The following SLC27A4 variants were observed in gnomAD, a reference collection of about 807,000 sequenced individuals.
SLC27A4 encodes solute carrier family 27 member 4.
A neutral mutation model predicts 64.4 loss-of-function variants in SLC27A4; 33 were observed. The observed-to-expected ratio is 0.51, with a 90% confidence interval of 0.39 to 0.68. The LOEUF is 0.68. SLC27A4 is among the 30% of genes least tolerant of loss of function. The pLI, the probability that SLC27A4 is intolerant of heterozygous loss-of-function variation, is 0.00. For missense variants in SLC27A4, 824 were observed against 883.5 expected (o/e 0.93, Z 0.85); for synonymous variants, 377 against 370.0 (o/e 1.02, Z -0.22).
Position 128,345,639 on chromosome 9 carries a change from G to A in SLC27A4, c.556+90G>A. 4.9e-6 allele frequency: 7 copies of A among 1,435,634 alleles called. No individual in the cohort carries two copies. Among genetic ancestry groups the A allele is most frequent in the Non-Finnish European group, 6.5e-6 (7 of 1,082,612 alleles). The allele number at this position is 1,435,634 out of a possible 1,614,324, so 88.9% of individuals were successfully genotyped here. On this transcript the variant is annotated intron_variant, in intron 3 of 12. Transcript: ENST00000300456. This position sits in a 1 kb window ranked among gnomAD's most constrained non-coding sequence, Gnocchi z 4.1. ...CTTCCAGCCCTGCCAAGGCTGTGTG[G>A]GTCAGTGGTTAAGGGCACAGAGTGG...
intron 1 of SLC27A4, chr9:128,342,893 C>G (rs1397643969): frequency 5.1e-6 from 3 of 586,980 alleles, no homozygotes; most frequent in East Asian, 5.8e-5. Context: ...GAGACGAGAA[C>G]CAGCCTCCTG....
Position 128,351,958 on chromosome 9 carries a change from G to A in SLC27A4, c.878-680G>A, listed in dbSNP as rs536607394. Among the ~76,000 whole-genome samples the A allele has an allele frequency of 1.7e-4, 26 of 151,596 alleles. No individual in the cohort carries two copies. The South Asian group carries it at 3.7e-3, about 22-fold the overall frequency. ...TCCCAACACTTTGGGAGGCCGAGGCGGGCGGATCACGAGGTCAGGAGATCA... is the reference window on the plus strand; with the variant it reads ...TCCCAACACTTTGGGAGGCCGAGGCAGGCGGATCACGAGGTCAGGAGATCA... On this transcript the variant is annotated intron_variant, in intron 6 of 12. Coordinates refer to ENST00000300456, the MANE Select transcript of SLC27A4 (RefSeq NM_005094.4).
intron 12 of SLC27A4, among the ~76,000 whole-genome samples, chr9:128,357,205 T>C (rs1216667007): frequency 7.7e-6 from 1 of 129,278 alleles, no homozygotes; most frequent in Non-Finnish European, 1.6e-5. Flanking sequence ...GAGGTTGCAG[T>C]AAACCGAGAC....
In SLC27A4 at chr9:128,353,275, G is replaced by T; in HGVS notation, c.1197+41G>T. On this transcript the variant is annotated intron_variant, in intron 8 of 12. Transcript: ENST00000300456. The surrounding 1 kb of genome is among the most constrained non-coding windows in gnomAD (Gnocchi z 4.9). ...GGATGGGCGAGGCTGCTGCAGGGATGGCCCACAGAAGGCACTGGATGCAGA... is the reference window on the plus strand; with the variant it reads ...GGATGGGCGAGGCTGCTGCAGGGATTGCCCACAGAAGGCACTGGATGCAGA... 2.5e-6 allele frequency: 4 copies of T among 1,609,948 alleles called. No individual in the cohort carries two copies. Among genetic ancestry groups the T allele is most frequent in the Non-Finnish European group, 3.4e-6 (4 of 1,177,024 alleles).
chr9:128,349,969 G>A (rs1236680785), intron 4 of SLC27A4, among the ~76,000 whole-genome samples: 1 of 152,172 alleles, frequency 6.6e-6, no homozygotes, highest in Non-Finnish European at 1.5e-5. Flanking sequence ...AACAGGTCCT[G>A]TGCCCTCCCT....
At position 128,359,656 on chromosome 9, in the gene SLC27A4, T is replaced by G. The variant is rs562502444; in HGVS notation, c.1775-678T>G. Among the ~76,000 whole-genome samples, 6 of 152,068 alleles carry G rather than the reference T, an allele frequency of 3.9e-5. No individual in the cohort carries two copies. The East Asian group carries it at 1.2e-3, about 30-fold the overall frequency. On this transcript the variant is annotated intron_variant, in intron 12 of 12. Coordinates refer to ENST00000300456, the MANE Select transcript of SLC27A4 (RefSeq NM_005094.4). ...AGAAAGAAAGAAAGAATTACAAAAC[T>G]TAGCCAGGCACAGTGGTGCACACCT... is the stretch of plus-strand genomic sequence containing the variant.
rs1433580480 is a variant in SLC27A4 at position 128,345,666 on chromosome 9, G to A, written c.556+117G>A. On this transcript the variant is annotated intron_variant, in intron 3 of 12. Transcript: ENST00000300456. The surrounding 1 kb of genome is among the most constrained non-coding windows in gnomAD (Gnocchi z 4.1). The stretch of plus-strand genomic sequence containing the variant: ...TCAGTGGTTAAGGGCACAGAGTGGA[G>A]TCAGACAGCTTAGGCAGTGCCACGA... 10 of 1,248,402 alleles carry A rather than the reference G, an allele frequency of 8.0e-6. No homozygotes were observed. Among genetic ancestry groups the A allele is most frequent in the Non-Finnish European group, 1.1e-5 (10 of 924,576 alleles). 77.3% of individuals were successfully genotyped at this position (1,248,402 alleles called of 1,614,324 possible). A position where few individuals can be genotyped will look rare whatever the true frequency, so the allele number is the denominator to read the frequency against.
intron 12 of SLC27A4, among the ~76,000 whole-genome samples, chr9:128,358,712 G>A (rs1832855879): frequency 6.6e-6 from 1 of 152,214 alleles, no homozygotes; most frequent in Non-Finnish European, 1.5e-5. Flanking sequence ...CTCCCAAAGT[G>A]CCGGGATTAC....
Position 128,361,298 on chromosome 9 carries a change from C to T in SLC27A4, c.*807C>T, listed in dbSNP as rs55957311. 1,056 of 152,950 alleles carry T rather than the reference C, an allele frequency of 6.9e-3. 4 individuals carry two copies. Among genetic ancestry groups the T allele is most frequent in the Non-Finnish European group, 0.012 (842 of 68,330 alleles). 9.5% of individuals were successfully genotyped at this position (152,950 alleles called of 1,614,324 possible). On this transcript the variant is annotated 3_prime_UTR_variant, in exon 13 of 13. Coordinates refer to ENST00000300456, the MANE Select transcript of SLC27A4 (RefSeq NM_005094.4). ...CCCACTGTGGCCGCTTGATCCCCCACGCCAACCCCCTGGCCCATTGACCCG... is the reference window on the plus strand; with the variant it reads ...CCCACTGTGGCCGCTTGATCCCCCATGCCAACCCCCTGGCCCATTGACCCG...
Position 128,353,990 on chromosome 9 carries a change from G to A in SLC27A4, c.1324+449G>A, listed in dbSNP as rs1264391233. On this transcript the variant is annotated intron_variant, in intron 9 of 12. Transcript: ENST00000300456. This position sits in a 1 kb window ranked among gnomAD's most constrained non-coding sequence, Gnocchi z 4.9. ...GATCTCCTGACCTCGTGATCCGCCC[G>A]CCTCGGCCTCCCAAAGTGCTGGGAT... Among the ~76,000 whole-genome samples the A allele has an allele frequency of 6.6e-6, 1 of 151,436 alleles. No homozygotes were observed. The highest frequency in any genetic ancestry group is 1.9e-4 in the East Asian group (1 of 5,166).
At chr9:128,349,357 C>T (rs1306827825) in intron 4 of SLC27A4, among the ~76,000 whole-genome samples, 1 of 152,140 alleles carries the variant, frequency 6.6e-6, no homozygotes, top group Non-Finnish European at 1.5e-5. Flanking sequence ...CTGACACCTG[C>T]CCTGCCCTTG....
At chr9:128,357,882 A>G (rs1832843321) in intron 12 of SLC27A4, among the ~76,000 whole-genome samples, 2 of 152,168 alleles carry the variant, frequency 1.3e-5, no homozygotes, top group South Asian at 2.1e-4. Context: ...TGGAGTGCCT[A>G]AAGCATCGGG....
At position 128,360,761 on chromosome 9, in the gene SLC27A4, G is replaced by A; in HGVS notation, c.*270G>A. The A allele has an allele frequency of 2.0e-6, 1 of 490,858 alleles. No homozygotes were observed. The highest frequency in any genetic ancestry group is 2.0e-5 in the South Asian group (1 of 48,884). The allele number at this position is 490,858 out of a possible 1,614,324, so 30.4% of individuals were successfully genotyped here. On this transcript the variant is annotated 3_prime_UTR_variant, in exon 13 of 13. Transcript: ENST00000300456. ...TGAGACTGACGGGTTTTCTCAGGAT[G>A]ATGTCTTGGGTGAGGGTAGGGAGAG...
At chr9:128,347,523 TAA>T (rs1252401567) in intron 3 of SLC27A4, among the ~76,000 whole-genome samples, 1 of 151,076 alleles carries the variant, frequency 6.6e-6, no homozygotes, top group African/African-American at 2.4e-5. Context: ...GCTCGAGAGT[TAA>T]AGACTAGACT....
At position 128,353,108 on chromosome 9, in the gene SLC27A4, G is replaced by A. The variant is rs2131265577; in HGVS notation, c.1071G>A (p.Met357Ile). ...CAGAAAACCAGCACCAGGTTCGCAT[G>A]GCACTAGGCAATGGCCTCCGGCAGT... ...REAENQHQVR[M>I]ALGNGLRQSI... The change falls in exon 8 of 13, where the codon ATG becomes ATA. Residue 357 changes from methionine to isoleucine, a missense_variant. Coordinates refer to ENST00000300456, the MANE Select transcript of SLC27A4 (RefSeq NM_005094.4). This position sits in a 1 kb window ranked among gnomAD's most constrained non-coding sequence, Gnocchi z 4.9. 1 of 1,614,196 alleles carries A rather than the reference G, an allele frequency of 6.2e-7. No individual in the cohort carries two copies. Among genetic ancestry groups the A allele is most frequent in the Non-Finnish European group, 8.5e-7 (1 of 1,180,028 alleles).
chr9:128,345,160 G>A lies in SLC27A4; in HGVS notation c.167G>A (p.Gly56Asp), dbSNP rs140481562. 1.2e-6 allele frequency: 2 copies of A among 1,613,216 alleles called. No individual in the cohort carries two copies. Among genetic ancestry groups the A allele is most frequent in the East Asian group, 2.2e-5 (1 of 44,878 alleles). The stretch of plus-strand genomic sequence containing the variant: ...CCTCTCTTGTTCACACACAGTGGCG[G>A]CCTGGTCCTCCTGAAGGTGAAGGCA... ...IKTIRRDIFG[G>D]LVLLKVKAKV... is the part of the protein sequence containing the mutation. The change falls in exon 3 of 13, where the codon GGC becomes GAC. Residue 56 changes from glycine (G) to aspartate (D), a missense_variant. By Grantham distance (94) the Gly-to-Asp change is moderately conservative. Transcript: ENST00000300456. The surrounding 1 kb of genome is among the most constrained non-coding windows in gnomAD (Gnocchi z 4.1).
At chr9:128,341,596 C>G (rs1421421894) in intron 1 of SLC27A4, among the ~76,000 whole-genome samples, 1 of 152,202 alleles carries the variant, frequency 6.6e-6, no homozygotes, top group Non-Finnish European at 1.5e-5. Context: ...GGGTCGCCCT[C>G]TATAGACCAA....
rs368919168 is a variant in SLC27A4 at position 128,355,104 on chromosome 9, G to T, written c.1376G>T (p.Arg459Leu). The T allele has an allele frequency of 6.2e-7, 1 of 1,613,348 alleles. No individual in the cohort carries two copies. Among genetic ancestry groups the T allele is most frequent in the Non-Finnish European group, 8.5e-7 (1 of 1,179,716 alleles). Residue 459 changes from arginine to leucine, a missense_variant, in exon 10 of 13, where the codon CGC becomes CTC. Arg to Leu is a moderately radical substitution (Grantham distance 102, BLOSUM62 -2). Transcript: ENST00000300456. ...GRIIQKDPLRRFDGYLNQGAN... is the reference protein window; with the variant it reads ...GRIIQKDPLRLFDGYLNQGAN... Reference sequence around the variant, plus strand: ...ATCATCCAGAAAGACCCCCTGCGCCGCTTCGATGGCTACCTCAACCAGGGC... The same window carrying T: ...ATCATCCAGAAAGACCCCCTGCGCCTCTTCGATGGCTACCTCAACCAGGGC...
At chr9:128,343,098 T>C (rs1832601055) in intron 1 of SLC27A4, 29 bp from the exon 2 acceptor site, 2 of 1,611,926 alleles carry the variant, frequency 1.2e-6, no homozygotes, top group Non-Finnish European at 1.7e-6. Context: ...GTTGGGTGTT[T>C]GGGTCCACTA....
Sources: gnomAD v4.1 joint callset for allele counts (sites outside exome capture counted in the v4.1 genomes callset) on GRCh38, gnomAD v4.1.1 for gene constraint, Gnocchi (gnomAD v3.1) non-coding constraint, MANE v1.5 for transcripts, NCBI Gene and HGNC (gene_info 2026-07-23, HGNC 2026-07-21) for gene names.